Variants in ZNF148 observed in about 807,000 individuals in gnomAD.
ZNF148 encodes zinc finger protein 148.
In ZNF148, 7 loss-of-function variants were observed where a neutral mutation model predicts 67.7. The observed-to-expected ratio is 0.10, with a 90% CI of 0.06 to 0.19. The LOEUF (loss-of-function observed/expected upper bound fraction) is 0.19, where lower values mean the gene tolerates loss of function less well. ZNF148 is among the 10% of genes least tolerant of loss of function. The pLI is 1.00. For missense variants in ZNF148, 583 were observed against 947.1 expected, an observed-to-expected ratio of 0.62 and a Z score of 5.05; for synonymous variants, 333 against 330.7, an observed-to-expected ratio of 1.01 and a Z score of -0.08.
intron 1 of ZNF148, among the ~76,000 whole-genome samples, chr3:125,363,424 C>T (rs527821841): frequency 6.6e-6 from 1 of 152,174 alleles, no homozygotes; most frequent in African/African-American, 2.4e-5. Context: ...TGTCTTAAAA[C>T]CCCAAAACAG....
intron 7 of ZNF148, among the ~76,000 whole-genome samples, chr3:125,266,448 C>T (rs1937532067): frequency 6.6e-6 from 1 of 152,118 alleles, no homozygotes; most frequent in Admixed American, 6.5e-5. Flanking sequence ...TTACTAGAAA[C>T]TAAACAACTT....
chr3:125,264,508 C>T (rs1937483570), intron 7 of ZNF148, among the ~76,000 whole-genome samples: 1 of 152,190 alleles, frequency 6.6e-6, no homozygotes. Context: ...CATCTGTCAA[C>T]TCATCAATAG....
intron 1 of ZNF148, among the ~76,000 whole-genome samples, chr3:125,362,227 AC>A (rs1477833726): frequency 2.0e-5 from 3 of 152,070 alleles, no homozygotes; most frequent in African/African-American, 4.8e-5. Flanking sequence ...AAATACTCGA[AC>A]CCTTCTATAA....
intron 1 of ZNF148, among the ~76,000 whole-genome samples, chr3:125,355,766 G>T (rs1307997626): frequency 6.6e-6 from 1 of 151,750 alleles, no homozygotes. Flanking sequence ...CTAGAAAAAG[G>T]TACCCTCTTG....
At chr3:125,283,329 G>T (rs1019765480) in intron 5 of ZNF148, among the ~76,000 whole-genome samples, 1 of 151,978 alleles carries the variant, frequency 6.6e-6, no homozygotes. Context: ...CTTTTTAAAT[G>T]GTAAGCTTTT....
At chr3:125,247,631 G>A (rs996777086) in intron 7 of ZNF148, among the ~76,000 whole-genome samples, 1 of 151,980 alleles carries the variant, frequency 6.6e-6, no homozygotes, top group Admixed American at 6.6e-5. Flanking sequence ...GTAGAGACAG[G>A]GTTTCACCAT....
At chr3:125,372,436 G>A (rs1942920509) in intron 1 of ZNF148, among the ~76,000 whole-genome samples, 2 of 152,186 alleles carry the variant, frequency 1.3e-5, no homozygotes, top group Non-Finnish European at 1.5e-5. Flanking sequence ...CAGAAAGGAG[G>A]AGAAAGGGGA....
At chr3:125,279,285 A>C in intron 5 of ZNF148, 38 bp from the exon 6 acceptor site, 2 of 1,467,706 alleles carry the variant, frequency 1.4e-6, no homozygotes, top group Non-Finnish European at 1.8e-6. Flanking sequence ...AAAAGAAATA[A>C]GTTTTTAAAA....
At chr3:125,281,965 TG>T (rs1449608922) in intron 5 of ZNF148, among the ~76,000 whole-genome samples, 3 of 152,166 alleles carry the variant, frequency 2.0e-5, no homozygotes, top group Non-Finnish European at 4.4e-5. Flanking sequence ...ATAATCTCAG[TG>T]TTCAAAATGG....
At chr3:125,309,516 C>T (rs7612285) in intron 4 of ZNF148, among the ~76,000 whole-genome samples, 1 of 152,042 alleles carries the variant, frequency 6.6e-6, no homozygotes, top group Non-Finnish European at 1.5e-5. Flanking sequence ...ACAGAAAAAA[C>T]CCATAGTGGA....
intron 1 of ZNF148, among the ~76,000 whole-genome samples, chr3:125,337,184 T>C (rs553599011): frequency 3.9e-5 from 6 of 152,262 alleles, no homozygotes; most frequent in African/African-American, 1.4e-4. Flanking sequence ...TCACCTACCC[T>C]TGACCTTTTC....
intron 1 of ZNF148, among the ~76,000 whole-genome samples, chr3:125,355,550 T>C (rs993561938): frequency 2.6e-5 from 4 of 152,128 alleles, no homozygotes; most frequent in Non-Finnish European, 2.9e-5. Flanking sequence ...TTTTGTGATA[T>C]AGGAGGAATG....
At chr3:125,237,561 G>A (rs1382635896) in intron 7 of ZNF148, among the ~76,000 whole-genome samples, 1 of 152,104 alleles carries the variant, frequency 6.6e-6, no homozygotes, top group Non-Finnish European at 1.5e-5. Context: ...CAACCTGGGT[G>A]ACAGAGTGAG....
intron 1 of ZNF148, among the ~76,000 whole-genome samples, chr3:125,347,359 A>G (rs1043179366): frequency 1.3e-5 from 2 of 152,218 alleles, no homozygotes; most frequent in South Asian, 4.1e-4. Context: ...ATGGAATTGC[A>G]AAGGACCAAG....
rs1236492717 is a variant in ZNF148, at chr3:125,233,507, G to T, written c.1219C>A (p.Gln407Lys). 2.5e-6 allele frequency: 4 copies of T among 1,613,706 alleles called. No homozygotes were observed. ...SKRSLKQPLE[Q>K]NQTISPLSTY... ...GATAAAGGTGAAATTGTTTGATTTTGCTCCAGTGGCTGTTTCAGACTTCTC... is the reference window on the plus strand; with the variant it reads ...GATAAAGGTGAAATTGTTTGATTTTTCTCCAGTGGCTGTTTCAGACTTCTC... The change falls in exon 9 of 9, where the codon CAA (glutamine) becomes AAA (lysine). Residue 407 changes from glutamine (Q) to lysine (K), a missense_variant. Coordinates refer to ENST00000360647, the MANE Select transcript of ZNF148 (RefSeq NM_021964.3). This position sits in a 1 kb window ranked among gnomAD's most constrained non-coding sequence, Gnocchi z 5.1.
intron 7 of ZNF148, among the ~76,000 whole-genome samples, chr3:125,274,233 A>G (rs553925906): frequency 2.6e-5 from 4 of 152,238 alleles, no homozygotes; most frequent in Non-Finnish European, 1.5e-5. Context: ...GGCCCTAAAC[A>G]AAATGATCAA....
chr3:125,295,257 C>T (rs1939220759), intron 4 of ZNF148, among the ~76,000 whole-genome samples: 1 of 151,880 alleles, frequency 6.6e-6, no homozygotes, highest in Non-Finnish European at 1.5e-5. Context: ...AATTCAAGAC[C>T]AGCTGGCCAA....
intron 4 of ZNF148, among the ~76,000 whole-genome samples, 194 bp from the exon 5 acceptor site, chr3:125,288,422 C>T (rs1046581012): frequency 6.6e-6 from 1 of 151,302 alleles, no homozygotes; most frequent in African/African-American, 2.4e-5. Context: ...ATTGAGAGTA[C>T]ATAAATTGAG....
At chr3:125,340,890 A>G (rs1941689095) in intron 1 of ZNF148, among the ~76,000 whole-genome samples, 2 of 146,872 alleles carry the variant, frequency 1.4e-5, no homozygotes, top group Non-Finnish European at 3.0e-5. Flanking sequence ...TGGGAGGCTG[A>G]GGCAGGAGAA....
Sources: allele counts gnomAD v4.1 joint callset (sites outside exome capture counted in the v4.1 genomes callset), GRCh38; gene constraint gnomAD v4.1.1; non-coding constraint Gnocchi (gnomAD v3.1); transcripts MANE v1.5; gene names NCBI Gene and HGNC (gene_info 2026-07-23, HGNC 2026-07-21).